The following IQCM variants were observed in gnomAD, a reference collection of about 807,000 sequenced individuals.
IQCM encodes the protein IQ motif containing M, also known as IQ domain-containing protein M.
A neutral mutation model predicts 57.6 loss-of-function variants in IQCM; 45 were observed. That is an observed-to-expected ratio of 0.78 (90% CI 0.62 to 1.00). IQCM has a LOEUF of 1.00. Ranked by LOEUF, IQCM falls within the 50% of genes least tolerant of loss-of-function variation. The pLI is 0.00. For missense variants in IQCM, 468 were observed against 511.6 expected (o/e 0.91, Z 0.82); for synonymous variants, 148 against 158.9 (o/e 0.93, Z 0.51).
chr4:149,358,868 G>A (rs1729232261), intron 13 of IQCM, among the ~76,000 whole-genome samples: 1 of 152,050 alleles, frequency 6.6e-6, no homozygotes, highest in Non-Finnish European at 1.5e-5. Flanking sequence ...ATACTCTCAT[G>A]AGTATATCAT....
chr4:149,526,309 A>G (rs144005079), intron 12 of IQCM, among the ~76,000 whole-genome samples: 1 of 152,022 alleles, frequency 6.6e-6, no homozygotes, highest in African/African-American at 2.4e-5. Context: ...ATCATGGAAC[A>G]TTATGAAGAC....
At chr4:149,385,675 T>A (rs189240271) in intron 13 of IQCM, among the ~76,000 whole-genome samples, 152 of 152,226 alleles carry the variant, frequency 1.0e-3, no homozygotes, top group Non-Finnish European at 1.8e-3. Context: ...AGATATTCCA[T>A]CCTATGTCTC....
intron 5 of IQCM, among the ~76,000 whole-genome samples, chr4:149,706,500 T>C (rs1469738631): frequency 6.6e-6 from 1 of 151,970 alleles, no homozygotes; most frequent in African/African-American, 2.4e-5. Context: ...ATTTCACACA[T>C]TGATGTTACC....
intron 2 of IQCM, chr4:149,790,073 A>T: frequency 1.7e-6 from 1 of 600,800 alleles, no homozygotes; most frequent in Admixed American, 3.1e-5. Flanking sequence ...TTCACCAGGA[A>T]CTTCATCTGC....
At chr4:149,481,710 T>TTTTTTTGTTTGTTTG (rs1560896063) in intron 12 of IQCM, among the ~76,000 whole-genome samples, 5 of 138,412 alleles carry the variant, frequency 3.6e-5, no homozygotes, top group African/African-American at 1.3e-4. Context: ...TGTTTTTTTT[T>TTTTTTTGTTTGTTTG]TTTTTTTTTT....
At chr4:149,582,911 C>T (rs533136337) in intron 9 of IQCM, among the ~76,000 whole-genome samples, 33 of 142,158 alleles carry the variant, frequency 2.3e-4, no homozygotes, top group Admixed American at 1.4e-3. Flanking sequence ...AGGACTTGAT[C>T]TCTTTCAGGA....
chr4:149,560,528 T>C (rs1750020699), intron 10 of IQCM, among the ~76,000 whole-genome samples: 1 of 152,110 alleles, frequency 6.6e-6, no homozygotes, highest in African/African-American at 2.4e-5. Flanking sequence ...CTGTTTTGTG[T>C]CTTTATAATT....
Position 149,469,984 on chromosome 4 carries a change from G to T in IQCM, c.1229-36427C>A, listed in dbSNP as rs192207937. ...AGCTCCTGAAGGAAGCACTAAACAT[G>T]GAAAGGAACAACCAGTACCAGCCAC... On this transcript the variant is annotated intron_variant, in intron 12 of 13. Transcript: ENST00000636793. 9.5e-3 allele frequency among the ~76,000 whole-genome samples: 1,442 copies of T among 152,196 alleles called. 14 individuals carry two copies. The highest frequency in any genetic ancestry group is 0.015 in the Non-Finnish European group (1,025 of 68,028).
intron 2 of IQCM, among the ~76,000 whole-genome samples, chr4:149,783,587 T>G (rs540648805): frequency 1.1e-4 from 16 of 152,356 alleles, no homozygotes; most frequent in Admixed American, 7.2e-4. Flanking sequence ...AGGGTGATCC[T>G]TGCCCTTTGA....
intron 13 of IQCM, among the ~76,000 whole-genome samples, chr4:149,413,542 T>C (rs1733537178): frequency 6.6e-6 from 1 of 152,116 alleles, no homozygotes; most frequent in Non-Finnish European, 1.5e-5. Flanking sequence ...CTAGGAGTAC[T>C]CTTCTTCTGC....
At chr4:149,728,708 C>G (rs1766186852) in intron 5 of IQCM, among the ~76,000 whole-genome samples, 2 of 152,082 alleles carry the variant, frequency 1.3e-5, no homozygotes, top group Admixed American at 6.6e-5. Flanking sequence ...TTCCAAGTAC[C>G]AAGGAAGAAA....
At chr4:149,481,088 A>AT (rs970436589) in intron 12 of IQCM, among the ~76,000 whole-genome samples, 1 of 151,920 alleles carries the variant, frequency 6.6e-6, no homozygotes, top group African/African-American at 2.4e-5. Flanking sequence ...TTTTTTGCCC[A>AT]TTTTTTATTA....
At chr4:149,409,584 T>G (rs1733226838) in intron 13 of IQCM, among the ~76,000 whole-genome samples, 1 of 152,216 alleles carries the variant, frequency 6.6e-6, no homozygotes, top group African/African-American at 2.4e-5. Flanking sequence ...TGGAAATTTG[T>G]GTGGTGACAT....
chr4:149,716,576 G>A (rs932426496), intron 5 of IQCM, among the ~76,000 whole-genome samples: 27 of 152,242 alleles, frequency 1.8e-4, no homozygotes, highest in Non-Finnish European at 3.1e-4. Flanking sequence ...TGTTCCCTGC[G>A]GCTCCATGGA....
chr4:149,553,414 T>C (rs1579465214), intron 10 of IQCM, 127 bp from the exon 11 acceptor site: 1 of 711,578 alleles, frequency 1.4e-6, no homozygotes. Context: ...ATTGCCTAGG[T>C]TGGCTAAATA....
At chr4:149,780,039 C>T (rs947073314) in intron 2 of IQCM, among the ~76,000 whole-genome samples, 1 of 151,944 alleles carries the variant, frequency 6.6e-6, no homozygotes, top group African/African-American at 2.4e-5. Flanking sequence ...TGAATGTATC[C>T]AAAATAGCAA....
At chr4:149,451,056 G>T (rs1737064679) in intron 12 of IQCM, among the ~76,000 whole-genome samples, 1 of 151,748 alleles carries the variant, frequency 6.6e-6, no homozygotes, top group African/African-American at 2.4e-5. Flanking sequence ...GGGACTGGAG[G>T]TCATTATGCT....
intron 5 of IQCM, among the ~76,000 whole-genome samples, chr4:149,687,158 A>G (rs74420273): frequency 0.021 from 3,236 of 151,736 alleles, 121 homozygotes; most frequent in African/African-American, 0.074. Context: ...TACAGAACAC[A>G]TGAGACGAAA....
At chr4:149,429,979 C>T (rs1734711069) in intron 13 of IQCM, 1 of 1,225,360 alleles carries the variant, frequency 8.2e-7, no homozygotes, top group Non-Finnish European at 1.0e-6. Context: ...AGACTCTAAA[C>T]AACAAACACA....
Sources: allele counts gnomAD v4.1 joint callset (sites outside exome capture counted in the v4.1 genomes callset), GRCh38; gene constraint gnomAD v4.1.1; transcripts MANE v1.5; gene names NCBI Gene and HGNC (gene_info 2026-07-23, HGNC 2026-07-21).